Variants in CDKAL1 observed in about 807,000 individuals in gnomAD.
The protein encoded by CDKAL1 is CDKAL1 threonylcarbamoyladenosine tRNA methylthiotransferase, also known as threonylcarbamoyladenosine tRNA methylthiotransferase.
A neutral mutation model predicts 68.2 loss-of-function variants in CDKAL1; 32 were observed. The observed-to-expected ratio is 0.47, with a 90% CI of 0.35 to 0.63. The LOEUF (loss-of-function observed/expected upper bound fraction) is 0.63. Ranked by LOEUF, CDKAL1 falls within the 30% of genes least tolerant of loss-of-function variation. The probability of loss-of-function intolerance (pLI) is 0.00; values close to 1 mark genes in which losing one functional copy is unlikely to be tolerated. For synonymous variants in CDKAL1, 234 were observed against 244.3 expected (o/e 0.96, Z 0.39); for missense variants, 606 against 696.7 (o/e 0.87, Z 1.47).
chr6:20,792,176 C>G (rs181413008), intron 8 of CDKAL1, among the ~76,000 whole-genome samples: 2 of 151,982 alleles, frequency 1.3e-5, no homozygotes, highest in Admixed American at 6.6e-5. Context: ...TTATTTTTTT[C>G]TAACCCTGAC....
intron 2 of CDKAL1, among the ~76,000 whole-genome samples, chr6:20,545,740 G>A (rs1034388433): frequency 2.0e-5 from 3 of 152,138 alleles, no homozygotes; most frequent in Non-Finnish European, 4.4e-5. Context: ...GGGATTACAG[G>A]CATAAGCCAC....
intron 12 of CDKAL1, among the ~76,000 whole-genome samples, chr6:21,097,141 T>C (rs557906243): frequency 6.6e-6 from 1 of 152,268 alleles, no homozygotes; most frequent in South Asian, 2.1e-4. Context: ...GGACACAGTA[T>C]TTATTCTTGT....
chr6:20,778,117 A>T (rs1775254391), intron 7 of CDKAL1, among the ~76,000 whole-genome samples: 1 of 152,200 alleles, frequency 6.6e-6, no homozygotes, highest in Non-Finnish European at 1.5e-5. Flanking sequence ...TTAGGCCTTC[A>T]CTGTACATAA....
At chr6:20,922,224 G>A (rs936286722) in intron 9 of CDKAL1, among the ~76,000 whole-genome samples, 1 of 152,050 alleles carries the variant, frequency 6.6e-6, no homozygotes, top group Non-Finnish European at 1.5e-5. Context: ...GCATTCAGAG[G>A]GTCTACTGCA....
At chr6:21,070,528 T>C (rs190657952) in intron 12 of CDKAL1, among the ~76,000 whole-genome samples, 1 of 152,222 alleles carries the variant, frequency 6.6e-6, no homozygotes, top group East Asian at 1.9e-4. Context: ...CCTTAGCCTC[T>C]TGCTGAGAGT....
At chr6:20,548,862 A>C (rs938287520) in intron 4 of CDKAL1, among the ~76,000 whole-genome samples, 157 bp downstream of exon 4, 5 of 152,232 alleles carry the variant, frequency 3.3e-5, no homozygotes, top group African/African-American at 4.8e-5. Context: ...TGGATGTCAT[A>C]TTTAAAAAAA....
chr6:21,216,412 G>A (rs1413700062), intron 15 of CDKAL1, among the ~76,000 whole-genome samples: 2 of 152,040 alleles, frequency 1.3e-5, no homozygotes, highest in Admixed American at 1.3e-4. Context: ...GGCTGCAAGT[G>A]AGCTATAATT....
chr6:20,717,076 T>A lies in CDKAL1; in HGVS notation c.372-22443T>A, dbSNP rs143966148. 4.3e-3 allele frequency among the ~76,000 whole-genome samples: 652 copies of A among 152,138 alleles called. 5 individuals carry two copies. The highest frequency in any genetic ancestry group is 0.015 in the African/African-American group (618 of 41,512). ...CTTACTGGATTTGTCAATAGGGAAC[T>A]GGTGGTTGTTCTGATGAGCAGTTTC... On this transcript the variant is annotated intron_variant, in intron 5 of 15. Coordinates refer to ENST00000274695, the MANE Select transcript of CDKAL1 (RefSeq NM_017774.3).
intron 5 of CDKAL1, among the ~76,000 whole-genome samples, chr6:20,704,869 C>G (rs1378006764): frequency 6.6e-6 from 1 of 152,084 alleles, no homozygotes; most frequent in Non-Finnish European, 1.5e-5. Flanking sequence ...GTGCCAATAC[C>G]ATTATAGGGT....
intron 8 of CDKAL1, among the ~76,000 whole-genome samples, chr6:20,782,105 T>C (rs753077751): frequency 2.6e-4 from 39 of 152,230 alleles, no homozygotes; most frequent in Non-Finnish European, 3.7e-4. Flanking sequence ...TGCCTGTTTC[T>C]CTGAATCCAA....
At chr6:20,658,185 C>T (rs1769117392) in intron 5 of CDKAL1, among the ~76,000 whole-genome samples, 1 of 152,134 alleles carries the variant, frequency 6.6e-6, no homozygotes, top group African/African-American at 2.4e-5. Context: ...CTTGTGTGTC[C>T]TATATAAATG....
chr6:20,625,494 T>C (rs866018436), intron 4 of CDKAL1, among the ~76,000 whole-genome samples: 1 of 152,136 alleles, frequency 6.6e-6, no homozygotes, highest in Admixed American at 6.6e-5. Context: ...AAGTTCTGAA[T>C]ATCTCTTTAA....
chr6:20,738,382 A>G (rs145717301), intron 5 of CDKAL1, among the ~76,000 whole-genome samples: 1 of 152,312 alleles, frequency 6.6e-6, no homozygotes, highest in Non-Finnish European at 1.5e-5. Flanking sequence ...TACCCGAGTG[A>G]ATAATGTCAC....
chr6:20,793,293 A>G (rs1490451748), intron 8 of CDKAL1, among the ~76,000 whole-genome samples: 1 of 152,130 alleles, frequency 6.6e-6, no homozygotes, highest in Non-Finnish European at 1.5e-5. Context: ...TCCTACCTTA[A>G]TTCTCAATTA....
chr6:20,620,049 G>T (rs1767107205), intron 4 of CDKAL1, among the ~76,000 whole-genome samples: 1 of 152,156 alleles, frequency 6.6e-6, no homozygotes, highest in African/African-American at 2.4e-5. Context: ...GCGAACTCAC[G>T]TTTAGAGAGA....
intron 11 of CDKAL1, among the ~76,000 whole-genome samples, chr6:21,027,083 C>G (rs540783022): frequency 1.3e-5 from 2 of 152,238 alleles, no homozygotes; most frequent in South Asian, 4.1e-4. Flanking sequence ...ACACTCATCT[C>G]CCAGCCATAA....
chr6:21,100,193 G>GA (rs111731544), intron 12 of CDKAL1, among the ~76,000 whole-genome samples: 23 of 145,162 alleles, frequency 1.6e-4, no homozygotes, highest in South Asian at 2.2e-4. Flanking sequence ...CCGTAAGGCT[G>GA]AAAAAAAAAA....
intron 7 of CDKAL1, among the ~76,000 whole-genome samples, chr6:20,771,590 G>T (rs1469694972): frequency 6.6e-6 from 1 of 152,146 alleles, no homozygotes; most frequent in African/African-American, 2.4e-5. Flanking sequence ...AACATAGTTT[G>T]GATGTTTGTC....
intron 2 of CDKAL1, among the ~76,000 whole-genome samples, chr6:20,543,641 T>G (rs1383551045): frequency 1.3e-5 from 2 of 152,086 alleles, no homozygotes; most frequent in Non-Finnish European, 2.9e-5. Flanking sequence ...GTGCTTTTGG[T>G]GTCACATCTG....
Sources: allele counts gnomAD v4.1 joint callset (sites outside exome capture counted in the v4.1 genomes callset), GRCh38; gene constraint gnomAD v4.1.1; transcripts MANE v1.5; gene names NCBI Gene and HGNC (gene_info 2026-07-23, HGNC 2026-07-21).